MAP3K21: variants seen among roughly 807,000 people sequenced by gnomAD.
The protein encoded by MAP3K21 is mitogen-activated protein kinase kinase kinase 21.
MAP3K21 carries 63 observed loss-of-function variants against 86.1 expected under a neutral mutation model. The ratio of observed to expected loss-of-function variants is 0.73; its 90% confidence interval spans 0.60 to 0.90. The LOEUF (loss-of-function observed/expected upper bound fraction) is 0.90, where lower values mean the gene tolerates loss of function less well. Ranked by LOEUF, MAP3K21 falls within the 40% of genes least tolerant of loss-of-function variation. The pLI is 0.00. For missense variants in MAP3K21, 1,220 were observed against 1,367.7 expected, an observed-to-expected ratio of 0.89 and a Z score of 1.70; for synonymous variants, 558 against 564.8, an observed-to-expected ratio of 0.99 and a Z score of 0.17.
In MAP3K21 at chr1:233,361,207, T is replaced by C. The variant is rs557117759; in HGVS notation, c.1312-846T>C. Among the ~76,000 whole-genome samples the C allele has an allele frequency of 1.4e-4, 22 of 152,364 alleles. No homozygotes were observed. The South Asian group carries it at 4.6e-3, about 32-fold the overall frequency. On this transcript the variant is annotated intron_variant, in intron 4 of 9. Transcript: ENST00000366624. Reference sequence around the variant, plus strand: ...AGTTTTACTGTTTAATAATTTTTCCTAATAGGAATAAAAGTATTTTTAATT... The same window carrying C: ...AGTTTTACTGTTTAATAATTTTTCCCAATAGGAATAAAAGTATTTTTAATT...
At chr1:233,361,998 G>A in intron 4 of MAP3K21, 55 bp from the exon 5 acceptor site, 2 of 1,584,670 alleles carry the variant, frequency 1.3e-6, no homozygotes, top group South Asian at 1.1e-5. Flanking sequence ...GTAATAGACG[G>A]AATTCCCTTC....
chr1:233,328,869 C>T lies in MAP3K21; in HGVS notation c.805+36C>T. 5 of 1,459,234 alleles carry T rather than the reference C, an allele frequency of 3.4e-6. No homozygotes were observed. The highest frequency in any genetic ancestry group is 4.5e-6 in the Non-Finnish European group (5 of 1,099,726). The allele number at this position is 1,459,234 out of a possible 1,614,324, so 90.4% of individuals were successfully genotyped here. On this transcript the variant is annotated intron_variant, in intron 1 of 9. Coordinates refer to ENST00000366624, the MANE Select transcript of MAP3K21 (RefSeq NM_032435.3). This position sits in a 1 kb window ranked among gnomAD's most constrained non-coding sequence, Gnocchi z 8.7. ...CCAGAGGGAGGTGGGGGAAGACTAC[C>T]TCCGTGCCAGCCCAGGCGGGCTCCA...
chr1:233,383,005 T>G lies in MAP3K21; in HGVS notation c.*294T>G. ...TTACCTTCAGCACAATGTTAATGTT[T>G]TTGTTCTCATTTATGCCTTTGTCCA... On this transcript the variant is annotated 3_prime_UTR_variant, in exon 10 of 10. Coordinates refer to ENST00000366624, the MANE Select transcript of MAP3K21 (RefSeq NM_032435.3). 1 of 240,244 alleles carries G rather than the reference T, an allele frequency of 4.2e-6. No homozygotes were observed. The highest frequency in any genetic ancestry group is 8.8e-5 in the East Asian group (1 of 11,420). 14.9% of individuals were successfully genotyped at this position (240,244 alleles called of 1,614,324 possible).
intron 1 of MAP3K21, among the ~76,000 whole-genome samples, chr1:233,339,259 T>TCCC (rs1662976275): frequency 2.4e-5 from 1 of 41,466 alleles, no homozygotes; most frequent in East Asian, 1.0e-3. Flanking sequence ...CTTCTTCTTC[T>TCCC]TCTTCTTCCT....
intron 4 of MAP3K21, among the ~76,000 whole-genome samples, chr1:233,358,843 T>A (rs1183279004): frequency 1.3e-5 from 2 of 152,106 alleles, no homozygotes; most frequent in African/African-American, 4.8e-5. Context: ...AGAGTCTCAC[T>A]CTGTTACCCA....
chr1:233,350,810 A>C (rs1425483410), intron 2 of MAP3K21, among the ~76,000 whole-genome samples: 1 of 152,238 alleles, frequency 6.6e-6, no homozygotes, highest in Admixed American at 6.5e-5. Context: ...GCCCTGAGTC[A>C]TTACAATTCT....
chr1:233,347,839 A>T (rs773751451), intron 2 of MAP3K21, among the ~76,000 whole-genome samples: 1 of 152,174 alleles, frequency 6.6e-6, no homozygotes, highest in Non-Finnish European at 1.5e-5. Flanking sequence ...ATCACACGAC[A>T]TACCCAGGTA....
intron 5 of MAP3K21, among the ~76,000 whole-genome samples, chr1:233,363,269 C>G (rs549615324): frequency 6.6e-6 from 1 of 152,256 alleles, no homozygotes; most frequent in African/African-American, 2.4e-5. Flanking sequence ...ATTTAAAGTG[C>G]AACAGTGACA....
intron 4 of MAP3K21, among the ~76,000 whole-genome samples, chr1:233,361,735 A>T (rs1230016616): frequency 1.3e-5 from 2 of 152,200 alleles, no homozygotes; most frequent in Non-Finnish European, 2.9e-5. Context: ...AATGTGAAAA[A>T]CCAAGTGTAG....
intron 1 of MAP3K21, among the ~76,000 whole-genome samples, chr1:233,337,115 G>A (rs767046900): frequency 2.6e-5 from 4 of 152,094 alleles, no homozygotes; most frequent in South Asian, 2.1e-4. Context: ...GTCTGGGGTC[G>A]GCAAATTTCT....
chr1:233,350,800 G>A (rs1663237370), intron 2 of MAP3K21, among the ~76,000 whole-genome samples: 1 of 152,162 alleles, frequency 6.6e-6, no homozygotes, highest in Non-Finnish European at 1.5e-5. Context: ...CCGACTCACA[G>A]CCCTGAGTCA....
chr1:233,330,858 G>A (rs1662797256), intron 1 of MAP3K21, among the ~76,000 whole-genome samples: 1 of 152,178 alleles, frequency 6.6e-6, no homozygotes, highest in Non-Finnish European at 1.5e-5. Flanking sequence ...TTTAAAGGAT[G>A]TTTATCCATT....
At chr1:233,358,473 G>GTTT (rs58298146) in intron 4 of MAP3K21, among the ~76,000 whole-genome samples, 17,184 of 141,510 alleles carry the variant, frequency 0.12, 1,333 homozygotes, top group East Asian at 0.31. Context: ...ACTCTAATTT[G>GTTT]TTTTTTTTTT....
chr1:233,382,431 A>G lies in MAP3K21; in HGVS notation c.2831A>G (p.Gln944Arg), dbSNP rs1454457951. 2 of 1,614,142 alleles carry G rather than the reference A, an allele frequency of 1.2e-6. No homozygotes were observed. Among genetic ancestry groups the G allele is most frequent in the Non-Finnish European group, 1.7e-6 (2 of 1,180,028 alleles). ...KKHSTVHIVP[Q>R]RRPASLRSRS... The stretch of plus-strand genomic sequence containing the variant: ...CACAGCACTGTCCACATCGTGCCTC[A>G]GCGTCGCCCTGCCTCCCTGAGAAGC... The change falls in exon 10 of 10, where the codon CAG becomes CGG. Residue 944 changes from glutamine (Q) to arginine (R), a missense_variant. Physicochemically the swap from Gln to Arg is conservative, Grantham distance 43. This residue lies in a region of MAP3K21 where 632 missense variants were observed against 691.3 expected (regional missense o/e 0.91). Transcript: ENST00000366624.
chr1:233,367,387 G>A (rs557002574), intron 5 of MAP3K21, among the ~76,000 whole-genome samples: 1 of 152,176 alleles, frequency 6.6e-6, no homozygotes, highest in East Asian at 1.9e-4. Context: ...TTTTACTCAA[G>A]CCTGTGATTG....
rs1558451158 is a variant in MAP3K21 at position 233,339,359 on chromosome 1, C to CCTT, written c.806-7080_806-7078dup. Among the ~76,000 whole-genome samples the CCTT allele has an allele frequency of 2.1e-3, 93 of 44,860 alleles. 2 individuals are homozygous for CCTT. The highest frequency in any genetic ancestry group is 5.7e-3 in the East Asian group (3 of 524). 29.4% of individuals were successfully genotyped at this position (44,860 alleles called of 152,430 possible). ...TTCTTCTCCCTCTTCTCCCTCTTCT[C>CCTT]CTTCTCCTCCTTCTCCTTCTTCTCC... On this transcript the variant is annotated intron_variant, in intron 1 of 9. Transcript: ENST00000366624.
chr1:233,333,100 A>T (rs555270766), intron 1 of MAP3K21, among the ~76,000 whole-genome samples: 2 of 152,346 alleles, frequency 1.3e-5, no homozygotes, highest in South Asian at 4.1e-4. Flanking sequence ...TTTCATTAGT[A>T]CTGTGTAAAT....
intron 1 of MAP3K21, among the ~76,000 whole-genome samples, chr1:233,337,921 C>T (rs761747080): frequency 2.6e-5 from 4 of 152,158 alleles, no homozygotes; most frequent in Non-Finnish European, 4.4e-5. Context: ...TTTGGCTTCA[C>T]GTGATTTTAA....
At position 233,379,370 on chromosome 1, in the gene MAP3K21, C is replaced by T. The variant is rs370824548; in HGVS notation, c.2364C>T (p.Ser788=). The T allele has an allele frequency of 8.1e-6, 13 of 1,614,052 alleles. No individual in the cohort carries two copies. Among genetic ancestry groups the T allele is most frequent in the Non-Finnish European group, 1.0e-5 (12 of 1,180,018 alleles). Residue 788 remains serine (S), a synonymous_variant, in exon 9 of 10, where the codon AGC becomes AGT. Coordinates refer to ENST00000366624, the MANE Select transcript of MAP3K21 (RefSeq NM_032435.3). ...TGCCATCCACCTGTGGGGAGGCCAG[C>T]AGCCCACCCTCCCTGCCACTGTCAA... ...TSLPSTCGEA[S]SPPSLPLSSA...
Sources: allele counts gnomAD v4.1 joint callset (sites outside exome capture counted in the v4.1 genomes callset), GRCh38; gene constraint gnomAD v4.1.1; regional missense constraint gnomAD v4.1.1; non-coding constraint Gnocchi (gnomAD v3.1); transcripts MANE v1.5; gene names NCBI Gene and HGNC (gene_info 2026-07-23, HGNC 2026-07-21).